Variants in FAM167A observed in about 807,000 individuals in gnomAD.
FAM167A encodes protein FAM167A.
Under a neutral mutation model 14.9 loss-of-function variants are expected in FAM167A, and 23 were observed. That is an observed-to-expected ratio of 1.55 (90% CI 1.11 to 2.19). The LOEUF (loss-of-function observed/expected upper bound fraction) is 2.19, where lower values mean the gene tolerates loss of function less well. FAM167A is among the 30% of genes most tolerant of loss of function. FAM167A has a pLI of 0.00. For synonymous variants in FAM167A, 174 were observed against 117.7 expected (o/e 1.48, Z -3.10); for missense variants, 401 against 281.5 (o/e 1.42, Z -3.04).
At chr8:11,429,708 G>A (rs1805442171) in intron 2 of FAM167A, among the ~76,000 whole-genome samples, 1 of 152,200 alleles carries the variant, frequency 6.6e-6, no homozygotes, top group Admixed American at 6.5e-5. Flanking sequence ...CTGCTCAGAG[G>A]CGAGCTGGGC....
intron 1 of FAM167A, among the ~76,000 whole-genome samples, chr8:11,452,919 G>A (rs1436591394): frequency 6.6e-6 from 1 of 152,204 alleles, no homozygotes; most frequent in Non-Finnish European, 1.5e-5. Flanking sequence ...GCAGGAGAAA[G>A]TGGAGGCCAC....
Position 11,444,221 on chromosome 8 carries a change from G to A in FAM167A, c.191C>T (p.Ala64Val), listed in dbSNP as rs1390661068. The A allele has an allele frequency of 1.9e-6, 3 of 1,612,134 alleles. No homozygotes were observed. In the Admixed American group the frequency reaches 5.0e-5, roughly 27 times the overall value. Residue 64 changes from alanine to valine, a missense_variant, in exon 2 of 3, where the codon GCT becomes GTT. Transcript: ENST00000284486. ...EEHTWPFPRP[A>V]AEPQASLEEG... is the part of the protein sequence containing the mutation. ...CTCCAAGCTCGCCTGTGGCTCCGCA[G>A]CCGGCCTCGGGAAGGGCCAGGTATG...
At chr8:11,432,972 C>T (rs1464657786) in intron 2 of FAM167A, among the ~76,000 whole-genome samples, 1 of 152,108 alleles carries the variant, frequency 6.6e-6, no homozygotes, top group Non-Finnish European at 1.5e-5. Flanking sequence ...AAACAGAAAA[C>T]CAAACACGGC....
At chr8:11,434,251 G>C (rs998444245) in intron 2 of FAM167A, 2 of 152,250 alleles carry the variant, frequency 1.3e-5, no homozygotes, top group African/African-American at 4.8e-5. Context: ...CTGGCGAGCC[G>C]AGGCCGCACT....
chr8:11,465,246 G>A (rs118021627), intron 1 of FAM167A, among the ~76,000 whole-genome samples: 1 of 152,160 alleles, frequency 6.6e-6, no homozygotes, highest in African/African-American at 2.4e-5. Context: ...ATCTGGGCGT[G>A]AGTGGTTTCT....
intron 1 of FAM167A, among the ~76,000 whole-genome samples, chr8:11,474,402 C>A (rs1184943175): frequency 6.6e-6 from 1 of 152,202 alleles, no homozygotes; most frequent in Non-Finnish European, 1.5e-5. Context: ...ATGGAACAGA[C>A]AAACATGCCC....
At chr8:11,440,490 G>C (rs1806371920) in intron 2 of FAM167A, among the ~76,000 whole-genome samples, 3 of 152,206 alleles carry the variant, frequency 2.0e-5, no homozygotes, top group South Asian at 4.1e-4. Flanking sequence ...CAATCATTCT[G>C]CCTTTTAGCT....
chr8:11,457,871 C>G (rs999294174), intron 1 of FAM167A, among the ~76,000 whole-genome samples: 7 of 152,186 alleles, frequency 4.6e-5, no homozygotes, highest in African/African-American at 1.7e-4. Flanking sequence ...CACACTGGCC[C>G]GCATGACCTT....
At position 11,444,081 on chromosome 8, in the gene FAM167A, C is replaced by T; in HGVS notation, c.331G>A (p.Glu111Lys). Residue 111 changes from glutamate to lysine, a missense_variant, in exon 2 of 3, where the codon GAA becomes AAA. By Grantham distance (56) the Glu-to-Lys change is moderately conservative (BLOSUM62 1). Transcript: ENST00000284486. ...GARPLSTGKL[E>K]GFQSIDEAIA... is the part of the protein sequence containing the mutation. ...GCTTCATCGATGCTCTGAAAGCCTT[C>T]CAGCTTGCCAGTGGACAGGGGTCTG... 6.2e-7 allele frequency: 1 copy of T among 1,613,566 alleles called. No homozygotes were observed. Among genetic ancestry groups the T allele is most frequent in the East Asian group, 2.2e-5 (1 of 44,874 alleles).
chr8:11,421,617 G>A lies in FAM167A; in HGVS notation c.*2756C>T. 2 of 398,458 alleles carry A rather than the reference G, an allele frequency of 5.0e-6. No individual in the cohort carries two copies. Among genetic ancestry groups the A allele is most frequent in the Non-Finnish European group, 8.8e-6 (2 of 226,032 alleles). The allele number at this position is 398,458 out of a possible 1,614,324, so 24.7% of individuals were successfully genotyped here. ...ATAGCACTTGGTATTGCTACAGGGT[G>A]TGGGTCTTGAACTCGGTCAGGCATC... On this transcript the variant is annotated 3_prime_UTR_variant, in exon 3 of 3. Coordinates refer to ENST00000284486, the MANE Select transcript of FAM167A (RefSeq NM_053279.3).
chr8:11,473,651 T>C (rs1808032064), intron 1 of FAM167A, among the ~76,000 whole-genome samples: 1 of 152,180 alleles, frequency 6.6e-6, no homozygotes. Context: ...GGTGCGGTTC[T>C]ATCTCTGGGT....
In FAM167A at chr8:11,424,176, C is replaced by T. The variant is rs1235397987; in HGVS notation, c.*197G>A. 2 of 636,822 alleles carry T rather than the reference C, an allele frequency of 3.1e-6. No individual in the cohort carries two copies. Among genetic ancestry groups the T allele is most frequent in the Non-Finnish European group, 5.3e-6 (2 of 374,758 alleles). 39.4% of individuals were successfully genotyped at this position (636,822 alleles called of 1,614,324 possible). ...CTTTGGGTAGTAAGCAAGAGCCAGTCACAGAGACACTGGCATCCACACCCA... is the reference window on the plus strand; with the variant it reads ...CTTTGGGTAGTAAGCAAGAGCCAGTTACAGAGACACTGGCATCCACACCCA... On this transcript the variant is annotated 3_prime_UTR_variant, in exon 3 of 3. Coordinates refer to ENST00000284486, the MANE Select transcript of FAM167A (RefSeq NM_053279.3).
chr8:11,442,961 G>A (rs1428693656), intron 2 of FAM167A, among the ~76,000 whole-genome samples: 1 of 152,194 alleles, frequency 6.6e-6, no homozygotes, highest in African/African-American at 2.4e-5. Flanking sequence ...GGCATTCCAG[G>A]CCTCATGGGG....
chr8:11,464,779 C>G (rs1227941536), intron 1 of FAM167A, among the ~76,000 whole-genome samples: 2 of 152,188 alleles, frequency 1.3e-5, no homozygotes, highest in Non-Finnish European at 2.9e-5. Flanking sequence ...GCAAGATTTG[C>G]CTAGAGAACA....
At chr8:11,427,770 A>T (rs975215680) in intron 2 of FAM167A, among the ~76,000 whole-genome samples, 2 of 152,228 alleles carry the variant, frequency 1.3e-5, no homozygotes, top group Admixed American at 6.5e-5. Flanking sequence ...ATCTAATGGC[A>T]AAATTGGGAT....
chr8:11,448,360 A>G (rs1193662311), intron 1 of FAM167A, among the ~76,000 whole-genome samples: 2 of 152,210 alleles, frequency 1.3e-5, no homozygotes, highest in African/African-American at 4.8e-5. Flanking sequence ...TACAAATGTG[A>G]GCTCTCAGCA....
intron 1 of FAM167A, among the ~76,000 whole-genome samples, chr8:11,458,054 G>A (rs1237918801): frequency 3.6e-5 from 5 of 139,600 alleles, no homozygotes; most frequent in Admixed American, 1.5e-4. Flanking sequence ...AGCCAGAGTC[G>A]TTCACAGCTC....
chr8:11,464,259 G>C (rs1450588594), intron 1 of FAM167A, among the ~76,000 whole-genome samples: 1 of 152,152 alleles, frequency 6.6e-6, no homozygotes, highest in Non-Finnish European at 1.5e-5. Context: ...GGGTGGGGAA[G>C]AGTTGGCCTT....
chr8:11,425,179 G>C (rs1052736556), intron 2 of FAM167A, among the ~76,000 whole-genome samples: 2 of 152,170 alleles, frequency 1.3e-5, no homozygotes, highest in Non-Finnish European at 2.9e-5. Context: ...ACAAAAATTG[G>C]TTCCTAGGTA....
Sources: allele counts gnomAD v4.1 joint callset (sites outside exome capture counted in the v4.1 genomes callset), GRCh38; gene constraint gnomAD v4.1.1; transcripts MANE v1.5; gene names NCBI Gene and HGNC (gene_info 2026-07-23, HGNC 2026-07-21).